Variants in RSU1 observed in about 807,000 individuals in gnomAD.
RSU1 encodes the protein rsu-1.
In RSU1, 26 loss-of-function variants were observed where a neutral mutation model predicts 31.1. The observed-to-expected ratio is 0.84, with a 90% CI of 0.61 to 1.16. The LOEUF (loss-of-function observed/expected upper bound fraction) is 1.16. Among genes scored for constraint, RSU1 ranks in the 50% most tolerant of loss-of-function variants. RSU1 has a pLI of 0.00. For missense variants in RSU1, 320 were observed against 339.1 expected (o/e 0.94, Z 0.44); for synonymous variants, 164 against 136.3 (o/e 1.20, Z -1.41).
At chr10:16,701,525 C>T (rs1395415020) in intron 7 of RSU1, among the ~76,000 whole-genome samples, 1 of 152,140 alleles carries the variant, frequency 6.6e-6, no homozygotes, top group South Asian at 2.1e-4. Flanking sequence ...GCATTCTGTA[C>T]ATTTAATGCA....
At chr10:16,714,231 T>C (rs533436700) in intron 7 of RSU1, among the ~76,000 whole-genome samples, 1 of 152,298 alleles carries the variant, frequency 6.6e-6, no homozygotes, top group South Asian at 2.1e-4. Flanking sequence ...ACTGGTCTGA[T>C]GCTGTGCCAG....
chr10:16,593,689 C>T (rs558206678), intron 8 of RSU1, among the ~76,000 whole-genome samples, 193 bp from the exon 9 acceptor site: 1 of 152,214 alleles, frequency 6.6e-6, no homozygotes, highest in East Asian at 1.9e-4. Context: ...GCACGCCATG[C>T]CATGATGTCC....
At chr10:16,796,282 C>G (rs1276110771) in intron 2 of RSU1, among the ~76,000 whole-genome samples, 1 of 152,180 alleles carries the variant, frequency 6.6e-6, no homozygotes, top group African/African-American at 2.4e-5. Flanking sequence ...TAACCAGTCA[C>G]CTAGATTGAC....
intron 7 of RSU1, among the ~76,000 whole-genome samples, chr10:16,740,536 G>A (rs1434453228): frequency 6.6e-6 from 1 of 152,134 alleles, no homozygotes; most frequent in African/African-American, 2.4e-5. Context: ...ATCCAGATTG[G>A]AAAGGAGGAG....
At chr10:16,730,519 C>A (rs540919477) in intron 7 of RSU1, among the ~76,000 whole-genome samples, 1 of 152,212 alleles carries the variant, frequency 6.6e-6, no homozygotes, top group African/African-American at 2.4e-5. Flanking sequence ...TATTAGCCAA[C>A]CCCCCAGCTG....
intron 3 of RSU1, among the ~76,000 whole-genome samples, chr10:16,768,468 T>C (rs1837361563): frequency 6.6e-6 from 1 of 152,010 alleles, no homozygotes; most frequent in South Asian, 2.1e-4. Flanking sequence ...GAGACTTCAG[T>C]TGCTAGGTTT....
chr10:16,713,192 G>C (rs931014585), intron 7 of RSU1, among the ~76,000 whole-genome samples: 1 of 152,156 alleles, frequency 6.6e-6, no homozygotes, highest in African/African-American at 2.4e-5. Context: ...AGAGAGGACT[G>C]AATCTAACTG....
chr10:16,740,328 C>CA (rs1303976581), intron 7 of RSU1, among the ~76,000 whole-genome samples: 5 of 151,994 alleles, frequency 3.3e-5, no homozygotes, highest in Non-Finnish European at 5.9e-5. Flanking sequence ...ATTCTGCAAA[C>CA]AAAAAATAGA....
intron 8 of RSU1, among the ~76,000 whole-genome samples, chr10:16,612,009 A>G (rs563928727): frequency 2.0e-5 from 3 of 152,350 alleles, no homozygotes; most frequent in African/African-American, 7.2e-5. Flanking sequence ...AACAGGACTG[A>G]TAATAATAGC....
At chr10:16,811,766 C>T (rs1266985409) in intron 2 of RSU1, among the ~76,000 whole-genome samples, 1 of 152,218 alleles carries the variant, frequency 6.6e-6, no homozygotes, top group Non-Finnish European at 1.5e-5. Context: ...GAGAAGCCTG[C>T]AGGAAGGAGA....
chr10:16,738,424 C>G (rs1836681844), intron 7 of RSU1, among the ~76,000 whole-genome samples: 3 of 152,168 alleles, frequency 2.0e-5, no homozygotes, highest in African/African-American at 7.2e-5. Context: ...GGACTCTGGC[C>G]TGTGTGAAAG....
intron 8 of RSU1, among the ~76,000 whole-genome samples, chr10:16,594,477 A>G (rs900175738): frequency 6.7e-6 from 1 of 150,076 alleles, no homozygotes; most frequent in African/African-American, 2.5e-5. Flanking sequence ...GCAGTGTATG[A>G]TCATAGCTCA....
rs1834538207 is a variant in RSU1, at chr10:16,645,903, CATATATGT to C, written c.731+49112_731+49119del. ...GTGTATATACATATATGTATATACACATATATGTATATATATGTGTATATACACATATG... is the reference window on the plus strand; with the variant it reads ...GTGTATATACATATATGTATATACACATATATATGTGTATATACACATATG... On this transcript the variant is annotated intron_variant, in intron 8 of 8. Coordinates refer to ENST00000345264, the MANE Select transcript of RSU1 (RefSeq NM_012425.4). Among the ~76,000 whole-genome samples, 8 of 92,476 alleles carry C rather than the reference CATATATGT, an allele frequency of 8.7e-5. 3 individuals carry two copies. Among genetic ancestry groups the C allele is most frequent in the African/African-American group, 5.7e-4 (8 of 13,990 alleles). The allele number at this position is 92,476 out of a possible 152,430, so 60.7% of individuals were successfully genotyped here.
intron 8 of RSU1, among the ~76,000 whole-genome samples, chr10:16,663,715 G>A (rs1294078944): frequency 6.6e-6 from 1 of 152,120 alleles, no homozygotes; most frequent in Non-Finnish European, 1.5e-5. Context: ...CCAAAATACA[G>A]AAGGAGGACT....
rs183691202 is a variant in RSU1 at position 16,712,111 on chromosome 10, A to T, written c.599-16956T>A. Among the ~76,000 whole-genome samples, 9 of 151,870 alleles carry T rather than the reference A, an allele frequency of 5.9e-5. No homozygotes were observed. In the East Asian group the frequency reaches 1.4e-3, roughly 23 times the overall value. On this transcript the variant is annotated intron_variant, in intron 7 of 8. Coordinates refer to ENST00000345264, the MANE Select transcript of RSU1 (RefSeq NM_012425.4). ...ACCTTTTTTCTTTTTCCAGTTTTTGACTTAAAATCTGTCTTATCTGATACA... is the reference window on the plus strand; with the variant it reads ...ACCTTTTTTCTTTTTCCAGTTTTTGTCTTAAAATCTGTCTTATCTGATACA...
intron 8 of RSU1, among the ~76,000 whole-genome samples, chr10:16,660,638 G>T (rs988287526): frequency 5.9e-5 from 5 of 85,342 alleles, no homozygotes; most frequent in Admixed American, 2.5e-4. Context: ...ATTTATTCTT[G>T]AACTCTCTTT....
intron 2 of RSU1, among the ~76,000 whole-genome samples, chr10:16,815,731 C>T (rs1838514424): frequency 1.3e-5 from 2 of 152,148 alleles, no homozygotes; most frequent in Admixed American, 6.5e-5. Context: ...CAAAGCAATA[C>T]ACACGACCAC....
intron 8 of RSU1, among the ~76,000 whole-genome samples, chr10:16,666,711 G>T (rs991173590): frequency 6.6e-6 from 1 of 152,116 alleles, no homozygotes. Context: ...CCATCAGCCG[G>T]GTGCGGTGGC....
chr10:16,792,340 C>T (rs1837940192), intron 2 of RSU1, among the ~76,000 whole-genome samples: 1 of 152,208 alleles, frequency 6.6e-6, no homozygotes. Context: ...TCAAATGATT[C>T]TCCTGCCTCG....
Sources: gnomAD v4.1 joint callset for allele counts (sites outside exome capture counted in the v4.1 genomes callset) on GRCh38, gnomAD v4.1.1 for gene constraint, MANE v1.5 for transcripts, NCBI Gene and HGNC (gene_info 2026-07-23, HGNC 2026-07-21) for gene names.